PSG6: variants seen among roughly 807,000 people sequenced by gnomAD.
PSG6 encodes pregnancy-specific beta-1-glycoprotein 6.
In PSG6, 51 loss-of-function variants were observed where a neutral mutation model predicts 43.3. The ratio of observed to expected loss-of-function variants is 1.18; its 90% CI spans 0.94 to 1.49. PSG6 has a LOEUF of 1.49. PSG6 is among the 40% of genes most tolerant of loss of function. The pLI is 0.00. For synonymous variants in PSG6, 292 were observed against 197.6 expected, an observed-to-expected ratio of 1.48 and a Z score of -4.01; for missense variants, 770 against 522.2, an observed-to-expected ratio of 1.47 and a Z score of -4.62.
In PSG6 at chr19:42,916,291, T is replaced by G; in HGVS notation, c.261A>C (p.Gln87His). 1.2e-6 allele frequency: 2 copies of G among 1,612,162 alleles called. No individual in the cohort carries two copies. The highest frequency in any genetic ancestry group is 2.2e-5 in the South Asian group (2 of 90,634). Residue 87 changes from glutamine (Q) to histidine (H), a missense_variant, in exon 2 of 6, where the codon CAA (glutamine) becomes CAC (histidine). Gln to His is a conservative substitution (Grantham distance 24). Coordinates refer to ENST00000187910, the MANE Select transcript of PSG6 (RefSeq NM_001031850.4). ...CACTGTAGGCAGGCCCATATATAAT[T>G]TGACCGTGTACTACATATGATGTAA... ...HYITSYVVHG[Q>H]IIYGPAYSGR... is the part of the protein sequence containing the mutation.
In PSG6 at chr19:42,906,869, C is replaced by T. The variant is rs1972121003; in HGVS notation, c.1240+53G>A. The T allele has an allele frequency of 1.2e-6, 2 of 1,611,310 alleles. 1 individual carries two copies. Among genetic ancestry groups the T allele is most frequent in the South Asian group, 2.2e-5 (2 of 90,782 alleles). ...TGTTTTCCTGACTCTTCTCTGAAAG[C>T]CAGATAGACTCCACCTAAAACCCTA... is the stretch of plus-strand genomic sequence containing the variant. On this transcript the variant is annotated intron_variant, in intron 5 of 5. Transcript: ENST00000187910.
chr19:42,913,733 C>A (rs7248431), intron 2 of PSG6, among the ~76,000 whole-genome samples: 55,946 of 151,298 alleles, frequency 0.37, 12,292 homozygotes, highest in African/African-American at 0.57. Context: ...ATTCTTTTGC[C>A]TTCTGACAAC....
chr19:42,911,273 C>G (rs921475240), intron 2 of PSG6, among the ~76,000 whole-genome samples: 16 of 151,562 alleles, frequency 1.1e-4, no homozygotes, highest in Non-Finnish European at 2.2e-4. Context: ...CATCAGCTTC[C>G]CTTGCCAAGG....
In PSG6 at chr19:42,913,391, C is replaced by T. The variant is rs564148484; in HGVS notation, c.428-2533G>A. Among the ~76,000 whole-genome samples, 144 of 151,856 alleles carry T rather than the reference C, an allele frequency of 9.5e-4. 4 individuals carry two copies. The highest frequency in any genetic ancestry group is 2.9e-3 in the African/African-American group (119 of 41,418). On this transcript the variant is annotated intron_variant, in intron 2 of 5. Transcript: ENST00000187910. The stretch of plus-strand genomic sequence containing the variant: ...GGTCTCTATCTCCTGACCTTGTGCC[C>T]GCCTCAGCCTCCCAAAGTGCTGGGA...
At chr19:42,914,545 T>G in intron 2 of PSG6, among the ~76,000 whole-genome samples, 1 of 148,198 alleles carries the variant, frequency 6.7e-6, no homozygotes, top group African/African-American at 2.5e-5. Flanking sequence ...CAAAGAGCCC[T>G]GAGAACCCTC....
In PSG6 at chr19:42,910,586, G is replaced by A. The variant is rs1232583707; in HGVS notation, c.700C>T (p.Leu234Phe). 6.2e-7 allele frequency: 1 copy of A among 1,612,540 alleles called. No homozygotes were observed. The highest frequency in any genetic ancestry group is 2.2e-5 in the East Asian group (1 of 44,786). ...ASRSDPVTLN[L>F]LPKLPMPYIT... ...AGGAACAGAAGATACTCACGGAGGA[G>A]ATTCAGGGTGACTGGGTCACTGCGG... is the stretch of plus-strand genomic sequence containing the variant. Residue 234 changes from leucine (L) to phenylalanine (F), a missense_variant, in exon 3 of 6, where the codon CTC becomes TTC. Physicochemically the swap from Leu to Phe is conservative, Grantham distance 22. Transcript: ENST00000187910.
In PSG6 at chr19:42,905,026, A is replaced by G. The variant is rs143430396; in HGVS notation, c.1240+1896T>C. On this transcript the variant is annotated intron_variant, in intron 5 of 5. Transcript: ENST00000187910. ...TCATCGAGTGTGCCAAGATCGTTCAATGGGGAAGGGACAGTGTTCTCACCA... is the reference window on the plus strand; with the variant it reads ...TCATCGAGTGTGCCAAGATCGTTCAGTGGGGAAGGGACAGTGTTCTCACCA... Among the ~76,000 whole-genome samples the G allele has an allele frequency of 6.8e-3, 1,037 of 151,792 alleles. 29 individuals carry two copies. The highest frequency in any genetic ancestry group is 0.024 in the African/African-American group (991 of 41,426).
intron 2 of PSG6, among the ~76,000 whole-genome samples, chr19:42,911,882 G>A (rs1972233621): frequency 6.6e-6 from 1 of 151,514 alleles, no homozygotes; most frequent in South Asian, 2.1e-4. Flanking sequence ...GATTAGAATA[G>A]TAGTTTGCAG....
intron 3 of PSG6, among the ~76,000 whole-genome samples, chr19:42,908,877 C>G (rs1347659861): frequency 6.6e-6 from 1 of 151,652 alleles, no homozygotes; most frequent in African/African-American, 2.4e-5. Context: ...TGAGACGAGG[C>G]TGCTGGAAGC....
intron 2 of PSG6, among the ~76,000 whole-genome samples, chr19:42,911,624 G>A (rs1230548577): frequency 6.6e-6 from 1 of 151,742 alleles, no homozygotes; most frequent in Non-Finnish European, 1.5e-5. Context: ...GAGGGCAGTT[G>A]AGGACCATAT....
At chr19:42,917,577 C>T in intron 1 of PSG6, 152 bp downstream of exon 1, 1 of 1,252,308 alleles carries the variant, frequency 8.0e-7, no homozygotes, top group Non-Finnish European at 1.1e-6. Flanking sequence ...GTTGGCCAGA[C>T]TGATCTTGAA....
At chr19:42,908,397 C>T (rs888316397) in intron 3 of PSG6, among the ~76,000 whole-genome samples, 4 of 151,658 alleles carry the variant, frequency 2.6e-5, no homozygotes, top group Non-Finnish European at 5.9e-5. Context: ...CAGAGTCAAG[C>T]CTGTAGGTCA....
Position 42,907,655 on chromosome 19 carries a change from A to C in PSG6, c.906T>G (p.Asn302Lys). Reference sequence around the variant, plus strand: ...TTTCACATTGATAGGGTCCTGTTTCATTTCTCGTGACACTGGGTAGAATGA... The same window carrying C: ...TTTCACATTGATAGGGTCCTGTTTCCTTTCTCGTGACACTGGGTAGAATGA... ...RILILPSVTR[N>K]ETGPYQCEIR... Residue 302 changes from asparagine to lysine, a missense_variant, in exon 4 of 6, where the codon AAT becomes AAG. By Grantham distance (94) the Asn-to-Lys change is moderately conservative. Transcript: ENST00000187910. 6.2e-7 allele frequency: 1 copy of C among 1,611,324 alleles called. No individual in the cohort carries two copies. Among genetic ancestry groups the C allele is most frequent in the Non-Finnish European group, 8.5e-7 (1 of 1,179,114 alleles).
At chr19:42,915,091 C>T (rs1303093817) in intron 2 of PSG6, among the ~76,000 whole-genome samples, 1 of 151,362 alleles carries the variant, frequency 6.6e-6, no homozygotes, top group African/African-American at 2.4e-5. Context: ...CCCAGTAAGC[C>T]CTCACTTCTG....
chr19:42,912,040 G>A (rs910913137), intron 2 of PSG6, among the ~76,000 whole-genome samples: 2 of 151,602 alleles, frequency 1.3e-5, no homozygotes, highest in African/African-American at 4.9e-5. Context: ...TTAAAACAAA[G>A]TGTTTTGGAT....
intron 3 of PSG6, chr19:42,910,374 C>A (rs1972195211): frequency 1.4e-5 from 19 of 1,326,526 alleles, no homozygotes; most frequent in Non-Finnish European, 2.0e-5. Flanking sequence ...ACCTGAGTCT[C>A]CCATGACAGG....
chr19:42,909,461 G>T (rs1209626866), intron 3 of PSG6, among the ~76,000 whole-genome samples: 3 of 151,450 alleles, frequency 2.0e-5, no homozygotes, highest in Admixed American at 6.6e-5. Flanking sequence ...AATGTTACTG[G>T]GATTCTGGTA....
rs149453787 is a variant in PSG6, at chr19:42,916,133, G to T, written c.419C>A (p.Thr140Asn). The part of the protein sequence containing the change: ...TGGVTGYFTV[T>N]LYSETPKPSI... ...CATGCGGAATCACTCACAGTATAAG[G>T]TGACAGTGAAATATCCAGTTACTCC... The change falls in exon 2 of 6, where the codon ACC becomes AAC. Residue 140 changes from threonine to asparagine, a missense_variant. Physicochemically the swap from Thr to Asn is moderately conservative, Grantham distance 65. Transcript: ENST00000187910. 8.4e-5 allele frequency: 135 copies of T among 1,611,186 alleles called. 2 individuals carry two copies. The highest frequency in any genetic ancestry group is 1.1e-4 in the Non-Finnish European group (125 of 1,178,698).
intron 2 of PSG6, 80 bp downstream of exon 2, chr19:42,916,045 C>A: frequency 1.9e-6 from 3 of 1,593,010 alleles, no homozygotes; most frequent in South Asian, 1.2e-5. Context: ...CAGGCAGAGT[C>A]CAGGCCTGAC....
Sources: gnomAD v4.1 joint callset for allele counts (sites outside exome capture counted in the v4.1 genomes callset) on GRCh38, gnomAD v4.1.1 for gene constraint, MANE v1.5 for transcripts, NCBI Gene and HGNC (gene_info 2026-07-23, HGNC 2026-07-21) for gene names.